The following ADAMTSL5 variants were observed in gnomAD, a reference collection of about 807,000 sequenced individuals.
The protein encoded by ADAMTSL5 is ADAMTS like 5.
A neutral mutation model predicts 51.7 loss-of-function variants in ADAMTSL5; 53 were observed. That is an observed-to-expected ratio of 1.03 (90% CI 0.82 to 1.29). The LOEUF (loss-of-function observed/expected upper bound fraction) is 1.29, where lower values mean the gene tolerates loss of function less well. Among genes scored for constraint, ADAMTSL5 ranks in the 50% most tolerant of loss-of-function variants. The probability of loss-of-function intolerance (pLI) is 0.00; values close to 1 mark genes in which losing one functional copy is unlikely to be tolerated. For synonymous variants in ADAMTSL5, 285 were observed against 278.7 expected (o/e 1.02, Z -0.23); for missense variants, 770 against 676.2 (o/e 1.14, Z -1.54).
rs1369124822 is a variant in ADAMTSL5, at chr19:1,510,845, C to G, written c.99G>C (p.Gln33His). ...CCCCTGGGCTCATGCCCCCCCTTAC[C>G]TGAGCACTGACCCCCAAACCACAGT... ...LLNCGLGVSA[Q>H]GPGEWTPWVS... The change falls in exon 2 of 12, where the codon CAG becomes CAC. Residue 33 changes from glutamine (Q) to histidine (H), a missense_variant and splice_region_variant. Physicochemically the swap from Gln to His is conservative, Grantham distance 24 (BLOSUM62 0). Coordinates refer to ENST00000330475, the MANE Select transcript of ADAMTSL5 (RefSeq NM_213604.3). The G allele has an allele frequency of 1.2e-5, 18 of 1,547,666 alleles. No individual in the cohort carries two copies. The highest frequency in any genetic ancestry group is 1.5e-5 in the Non-Finnish European group (17 of 1,153,654).
chr19:1,510,555 T>A, intron 3 of ADAMTSL5, 84 bp downstream of exon 3: 4 of 1,478,084 alleles, frequency 2.7e-6, no homozygotes, highest in Non-Finnish European at 3.6e-6. Context: ...GCACAGCATG[T>A]GTGGGCAGGC....
In ADAMTSL5 at chr19:1,506,428, G is replaced by C; in HGVS notation, c.1115-112C>G. ...GTCAGGTGGGACCTCGGGATCTATA[G>C]GGACTAGAGTCAGGATCACGTCAGG... On this transcript the variant is annotated intron_variant, in intron 11 of 11. Transcript: ENST00000330475. This position sits in a 1 kb window ranked among gnomAD's most constrained non-coding sequence, Gnocchi z 5.6. 6.2e-6 allele frequency: 9 copies of C among 1,456,516 alleles called. No individual in the cohort carries two copies. Among genetic ancestry groups the C allele is most frequent in the Non-Finnish European group, 7.5e-6 (8 of 1,071,406 alleles). 90.2% of individuals were successfully genotyped at this position (1,456,516 alleles called of 1,614,324 possible). A position where few individuals can be genotyped will look rare whatever the true frequency, so the allele number is the denominator to read the frequency against.
chr19:1,510,514 C>G, intron 3 of ADAMTSL5, 86 bp from the exon 4 acceptor site: 3 of 1,508,810 alleles, frequency 2.0e-6, no homozygotes, highest in South Asian at 2.5e-5. Context: ...CAACCCCACC[C>G]GCATTCCAGC....
At chr19:1,507,024 TCTGCCCCCAGC>T in intron 9 of ADAMTSL5, 96 bp from the exon 10 acceptor site, 1 of 1,385,332 alleles carries the variant, frequency 7.2e-7, no homozygotes, top group Admixed American at 2.6e-5. Context: ...TTTGATCCTG[TCTGCCCCCAGC>T]CTCCCTCCTC....
At position 1,510,876 on chromosome 19, in the gene ADAMTSL5, A is replaced by T; in HGVS notation, c.68T>A (p.Leu23Gln). The T allele has an allele frequency of 6.5e-7, 1 of 1,533,536 alleles. No homozygotes were observed. The highest frequency in any genetic ancestry group is 8.7e-7 in the Non-Finnish European group (1 of 1,148,050). The allele number at this position is 1,533,536 out of a possible 1,614,324, so 95.0% of individuals were successfully genotyped here. ...FQNLLLFLWA[L>Q]LNCGLGVSAQ... Reference sequence around the variant, plus strand: ...ACTGACCCCCAAACCACAGTTCAGCAGGGCCCACAGGAAGAGCAGGAGGTT... The same window carrying T: ...ACTGACCCCCAAACCACAGTTCAGCTGGGCCCACAGGAAGAGCAGGAGGTT... The change falls in exon 2 of 12, where the codon CTG (leucine) becomes CAG (glutamine). Residue 23 changes from leucine to glutamine, a missense_variant. Coordinates refer to ENST00000330475, the MANE Select transcript of ADAMTSL5 (RefSeq NM_213604.3).
rs1284396816 is a variant in ADAMTSL5 at position 1,510,168 on chromosome 19, AC to A, written c.342del (p.Gln114HisfsTer96). On this transcript the variant is annotated frameshift_variant, in exon 5 of 12. Coordinates refer to ENST00000330475, the MANE Select transcript of ADAMTSL5 (RefSeq NM_213604.3). LOFTEE classifies it high-confidence loss of function. ...TACTCACCCCCATGGAAGGGCACCC[AC>A]TGGTAGGTCTTCTGGGTGCCCAGGA... is the stretch of plus-strand genomic sequence containing the variant. ...RPVLGTQKTY[Q>X]WVPFHGAPNQ... 1.2e-6 allele frequency: 2 copies of A among 1,612,078 alleles called. No individual in the cohort carries two copies. The highest frequency in any genetic ancestry group is 2.2e-5 in the South Asian group (2 of 90,618).
At position 1,506,261 on chromosome 19, in the gene ADAMTSL5, C is replaced by G. The variant is rs376821207; in HGVS notation, c.1170G>C (p.Glu390Asp). 5.7e-6 allele frequency: 9 copies of G among 1,568,708 alleles called. No homozygotes were observed. Among genetic ancestry groups the G allele is most frequent in the Non-Finnish European group, 7.8e-6 (9 of 1,154,350 alleles). The change falls in exon 12 of 12, where the codon GAG (glutamate) becomes GAC (aspartate). Residue 390 changes from glutamate (E) to aspartate (D), a missense_variant. Coordinates refer to ENST00000330475, the MANE Select transcript of ADAMTSL5 (RefSeq NM_213604.3). This position sits in a 1 kb window ranked among gnomAD's most constrained non-coding sequence, Gnocchi z 5.6. ...TCTTGTAGACGAGCTGGATGCGCAC[C>G]TCATAGCGGGTCTCCTGGGCCTGGT... ...HHHQAQETRY[E>D]VRIQLVYKNR...
Position 1,511,087 on chromosome 19 carries a change from G to C in ADAMTSL5, c.-144C>G, listed in dbSNP as rs907463351. 1.9e-6 allele frequency: 1 copy of C among 527,248 alleles called. No homozygotes were observed. The highest frequency in any genetic ancestry group is 2.0e-5 in the African/African-American group (1 of 50,492). 32.7% of individuals were successfully genotyped at this position (527,248 alleles called of 1,614,324 possible). On this transcript the variant is annotated 5_prime_UTR_variant, in exon 2 of 12. Transcript: ENST00000330475. ...AGAGCCTCCCTTACAGGAAAGTTGAGGGGTCCTGTGGATCAGGTAAAGAAG... is the reference window on the plus strand; with the variant it reads ...AGAGCCTCCCTTACAGGAAAGTTGACGGGTCCTGTGGATCAGGTAAAGAAG...
At chr19:1,511,918 G>T (rs970353125) in intron 1 of ADAMTSL5, 5 of 226,828 alleles carry the variant, frequency 2.2e-5, no homozygotes, top group Admixed American at 1.0e-4. Context: ...GGCGGAGGGG[G>T]TGGGACTGAG....
intron 6 of ADAMTSL5, 42 bp from the exon 7 acceptor site, chr19:1,508,151 G>C (rs1568242637): frequency 1.3e-6 from 2 of 1,560,212 alleles, no homozygotes; most frequent in Admixed American, 3.7e-5. Flanking sequence ...GACGCTGGGA[G>C]GGGCAGGACC....
chr19:1,511,658 C>A lies in ADAMTSL5; in HGVS notation c.-217-498G>T. ...GTGGCCTGAGGCCAGCCACTCCACT[C>A]TCCCAGGCCTCAGTTTCCCCATCTG... is the stretch of plus-strand genomic sequence containing the variant. On this transcript the variant is annotated intron_variant, in intron 1 of 11. Transcript: ENST00000330475. The A allele has an allele frequency of 3.6e-6, 4 of 1,104,266 alleles. No homozygotes were observed. The South Asian group carries it at 3.9e-5, about 11-fold the overall frequency. The allele number at this position is 1,104,266 out of a possible 1,614,324, so 68.4% of individuals were successfully genotyped here.
chr19:1,509,836 A>G (rs1404375911), intron 5 of ADAMTSL5, among the ~76,000 whole-genome samples: 5 of 152,128 alleles, frequency 3.3e-5, no homozygotes, highest in Admixed American at 6.5e-5. Flanking sequence ...ACGTAGTTAT[A>G]TAACTCGCTA....
At chr19:1,510,501 C>T (rs1011704405) in intron 3 of ADAMTSL5, 73 bp from the exon 4 acceptor site, 47 of 1,520,788 alleles carry the variant, frequency 3.1e-5, no homozygotes, top group Non-Finnish European at 3.7e-5. Flanking sequence ...CCTCCGCCCC[C>T]GCCAACCCCA....
chr19:1,506,266 A>G lies in ADAMTSL5; in HGVS notation c.1165T>C (p.Tyr389His), dbSNP rs771924191. Residue 389 changes from tyrosine to histidine, a missense_variant, in exon 12 of 12, where the codon TAT becomes CAT. Physicochemically the swap from Tyr to His is moderately conservative, Grantham distance 83. Coordinates refer to ENST00000330475, the MANE Select transcript of ADAMTSL5 (RefSeq NM_213604.3). This position sits in a 1 kb window ranked among gnomAD's most constrained non-coding sequence, Gnocchi z 5.6. ...TAGACGAGCTGGATGCGCACCTCAT[A>G]GCGGGTCTCCTGGGCCTGGTGGTGG... is the stretch of plus-strand genomic sequence containing the variant. ...GHHHQAQETR[Y>H]EVRIQLVYKN... 5.1e-6 allele frequency: 8 copies of G among 1,565,590 alleles called. No individual in the cohort carries two copies. In the African/African-American group the frequency reaches 1.1e-4, roughly 21 times the overall value.
chr19:1,512,550 C>G (rs751778537), intron 1 of ADAMTSL5, among the ~76,000 whole-genome samples: 121 of 152,306 alleles, frequency 7.9e-4, no homozygotes, highest in Non-Finnish European at 3.1e-4. Flanking sequence ...TGTGGTGGTG[C>G]ACACCTGTAA....
chr19:1,507,765 C>G (rs891254679), intron 7 of ADAMTSL5, 122 bp from the exon 8 acceptor site: 8 of 1,103,744 alleles, frequency 7.2e-6, no homozygotes, highest in Non-Finnish European at 1.1e-5. Flanking sequence ...CCGGAAAACC[C>G]TCCGTAAACG....
chr19:1,506,774 G>A lies in ADAMTSL5; in HGVS notation c.1007C>T (p.Ala336Val). Residue 336 changes from alanine to valine, a missense_variant, in exon 10 of 12, where the codon GCT becomes GTT. Transcript: ENST00000330475. The surrounding 1 kb of genome is among the most constrained non-coding windows in gnomAD (Gnocchi z 5.6). ...CGTTGGGGTCTGTGCAGGGGTGACA[G>A]CAGGGGCTGCGGGGGGCTGAGGCTC... The part of the protein sequence containing the change: ...GVEPQPPAAP[A>V]VTPAQTPTLA... The A allele has an allele frequency of 1.3e-6, 2 of 1,547,424 alleles. No homozygotes were observed. Among genetic ancestry groups the A allele is most frequent in the Non-Finnish European group, 1.7e-6 (2 of 1,147,118 alleles).
rs74669101 is a variant in ADAMTSL5, at chr19:1,508,062, G to A, written c.537C>T (p.Arg179=). ...GLLGSGALED[R]CGRCGGANDS... is the part of the protein sequence containing the mutation. Reference sequence around the variant, plus strand: ...CGTTGGCGCCTCCGCAGCGGCCACAGCGGTCCTCGAGGGCACCCGAGCCCA... The same window carrying A: ...CGTTGGCGCCTCCGCAGCGGCCACAACGGTCCTCGAGGGCACCCGAGCCCA... Residue 179 remains arginine (R), a synonymous_variant, in exon 7 of 12, where the codon CGC becomes CGT. Coordinates refer to ENST00000330475, the MANE Select transcript of ADAMTSL5 (RefSeq NM_213604.3). The A allele has an allele frequency of 2.0e-3, 3,175 of 1,610,812 alleles. 51 individuals are homozygous for A. In the African/African-American group the frequency reaches 0.036, roughly 18 times the overall value.
At position 1,506,338 on chromosome 19, in the gene ADAMTSL5, C is replaced by G; in HGVS notation, c.1115-22G>C. 1 of 1,540,118 alleles carries G rather than the reference C, an allele frequency of 6.5e-7. No homozygotes were observed. The highest frequency in any genetic ancestry group is 1.3e-5 in the South Asian group (1 of 79,082). ...AACACTGTTGAGGGGACGTGCTAAG[C>G]TGGCTGGCTGCTCAACTCTGCGCAA... On this transcript the variant is annotated intron_variant, in intron 11 of 11. Coordinates refer to ENST00000330475, the MANE Select transcript of ADAMTSL5 (RefSeq NM_213604.3). This position sits in a 1 kb window ranked among gnomAD's most constrained non-coding sequence, Gnocchi z 5.6.
Sources: gnomAD v4.1 joint callset for allele counts (sites outside exome capture counted in the v4.1 genomes callset) on GRCh38, gnomAD v4.1.1 for gene constraint, Gnocchi (gnomAD v3.1) non-coding constraint, MANE v1.5 for transcripts, NCBI Gene and HGNC (gene_info 2026-07-23, HGNC 2026-07-21) for gene names.